Variants in ZFAND3 observed in about 807,000 individuals in gnomAD.
The protein encoded by ZFAND3 is zinc finger AN1-type containing 3.
A neutral mutation model predicts 29.6 loss-of-function variants in ZFAND3; 10 were observed. That is an observed-to-expected ratio of 0.34 (90% CI 0.21 to 0.57). ZFAND3 has a LOEUF of 0.57. Among genes scored for constraint, ZFAND3 ranks in the 20% least tolerant of loss-of-function variants. The probability of loss-of-function intolerance (pLI) is 0.86; values close to 1 mark genes in which losing one functional copy is unlikely to be tolerated. For synonymous variants in ZFAND3, 128 were observed against 112.6 expected (o/e 1.14, Z -0.87); for missense variants, 230 against 304.5 (o/e 0.76, Z 1.82).
At chr6:37,876,940 G>C (rs560541662) in intron 1 of ZFAND3, among the ~76,000 whole-genome samples, 15 of 152,150 alleles carry the variant, frequency 9.9e-5, no homozygotes, top group Admixed American at 3.9e-4. Flanking sequence ...TTTGTCCACT[G>C]TGGAGACTCT....
At position 38,061,686 on chromosome 6, in the gene ZFAND3, A is replaced by G. The variant is rs1374870007; in HGVS notation, c.206A>G (p.Asn69Ser). Residue 69 changes from asparagine (N) to serine (S), a missense_variant, in exon 3 of 6, where the codon AAC becomes AGC. By Grantham distance (46) the Asn-to-Ser change is conservative. Transcript: ENST00000287218. ...LFSEETTSDN[N>S]NTSITTPTLS... ...TCCGAAGAGACCACCAGTGACAACAACAATACCTCGATAACCACGCCAACT... is the reference window on the plus strand; with the variant it reads ...TCCGAAGAGACCACCAGTGACAACAGCAATACCTCGATAACCACGCCAACT... 2 of 1,614,214 alleles carry G rather than the reference A, an allele frequency of 1.2e-6. No individual in the cohort carries two copies. Among genetic ancestry groups the G allele is most frequent in the Non-Finnish European group, 1.7e-6 (2 of 1,180,036 alleles).
Position 37,866,134 on chromosome 6 carries a change from C to G in ZFAND3, c.71+46118C>G, listed in dbSNP as rs1356633692. Among the ~76,000 whole-genome samples the G allele has an allele frequency of 3.3e-5, 5 of 152,156 alleles. No individual in the cohort carries two copies. In the East Asian group the frequency reaches 9.6e-4, roughly 29 times the overall value. ...GCTGCCCCAGGCTCTGTAGTGGCAA[C>G]TCCTACCTTAACCTGGAGATAGTAG... On this transcript the variant is annotated intron_variant, in intron 1 of 5. Transcript: ENST00000287218.
chr6:38,123,362 G>A (rs569001947), intron 5 of ZFAND3, among the ~76,000 whole-genome samples: 2 of 152,340 alleles, frequency 1.3e-5, no homozygotes, highest in South Asian at 4.1e-4. Context: ...CCACGTGTCT[G>A]TGCCTTAATT....
intron 2 of ZFAND3, among the ~76,000 whole-genome samples, chr6:37,985,284 AAAAAT>A (rs1249689604): frequency 6.6e-6 from 1 of 152,098 alleles, no homozygotes; most frequent in Non-Finnish European, 1.5e-5. Context: ...GTAGCAAAAT[AAAAAT>A]AAAATAAAAC....
In ZFAND3 at chr6:37,929,986, C is replaced by G; in HGVS notation, c.99C>G (p.Ser33=). The change falls in exon 2 of 6, where the codon TCC becomes TCG. Residue 33 remains serine, a synonymous_variant. Transcript: ENST00000287218. The stretch of plus-strand genomic sequence containing the variant: ...CCAGCAAGACTATGAATCTCTGTTC[C>G]AAATGCTTTGCTGGTAAGTGCAGAA... The part of the protein sequence containing the change: ...WGSSKTMNLC[S]KCFADFQKKQ... The G allele has an allele frequency of 6.3e-7, 1 of 1,592,210 alleles. No homozygotes were observed. The highest frequency in any genetic ancestry group is 8.5e-7 in the Non-Finnish European group (1 of 1,170,782).
chr6:37,843,839 A>G (rs1260603454), intron 1 of ZFAND3, among the ~76,000 whole-genome samples: 1 of 152,148 alleles, frequency 6.6e-6, no homozygotes, highest in Non-Finnish European at 1.5e-5. Context: ...TCTAAAAAAA[A>G]AAAAAGCTAA....
intron 5 of ZFAND3, chr6:38,142,183 A>G (rs1454112285): frequency 6.4e-6 from 3 of 471,130 alleles, no homozygotes; most frequent in Non-Finnish European, 8.8e-6. Context: ...TCTCATCTTC[A>G]TACTCCCTGT....
intron 1 of ZFAND3, among the ~76,000 whole-genome samples, chr6:37,843,989 CTCACTG>C (rs1319225277): frequency 5.3e-5 from 8 of 152,024 alleles, no homozygotes; most frequent in Admixed American, 1.3e-4. Context: ...GTGATCTTGG[CTCACTG>C]TCACCTCCAC....
chr6:38,090,744 T>C (rs542735175), intron 4 of ZFAND3, among the ~76,000 whole-genome samples: 89 of 152,332 alleles, frequency 5.8e-4, no homozygotes, highest in African/African-American at 1.9e-3. Context: ...TTCTATTGTT[T>C]ATGTTGAAGA....
Position 38,152,494 on chromosome 6 carries a change from C to T in ZFAND3, c.*105C>T. On this transcript the variant is annotated 3_prime_UTR_variant, in exon 6 of 6. Coordinates refer to ENST00000287218, the MANE Select transcript of ZFAND3 (RefSeq NM_021943.3). The stretch of plus-strand genomic sequence containing the variant: ...CTTGTACTGGGCACGCGTCAGACTG[C>T]AGCCAGTCCGTTTCCTTTCTTTAGC... 4 of 1,383,370 alleles carry T rather than the reference C, an allele frequency of 2.9e-6. No individual in the cohort carries two copies. The highest frequency in any genetic ancestry group is 1.9e-5 in the South Asian group (1 of 52,498). 85.7% of individuals were successfully genotyped at this position (1,383,370 alleles called of 1,614,324 possible).
In ZFAND3 at chr6:37,993,133, C is replaced by G. The variant is rs372866401; in HGVS notation, c.112+63134C>G. 2.0e-5 allele frequency among the ~76,000 whole-genome samples: 3 copies of G among 152,004 alleles called. No homozygotes were observed. The South Asian group carries it at 6.2e-4, about 32-fold the overall frequency. On this transcript the variant is annotated intron_variant, in intron 2 of 5. Transcript: ENST00000287218. ...TACTGTGTAATCTGGTGAGTTCAAT[C>G]TCACGTTTGGATTAAAATTTTTATC...
intron 1 of ZFAND3, among the ~76,000 whole-genome samples, chr6:37,884,494 C>CAAAAA (rs58015486): frequency 2.8e-4 from 15 of 53,822 alleles, no homozygotes; most frequent in African/African-American, 3.2e-4. Context: ...AACTCTAGCT[C>CAAAAA]AAAAAAAAAA....
chr6:37,907,195 A>G lies in ZFAND3; in HGVS notation c.72-22764A>G, dbSNP rs3852216. 0.017 allele frequency among the ~76,000 whole-genome samples: 2,586 copies of G among 152,114 alleles called. 251 individuals carry two copies. In the East Asian group the frequency reaches 0.28, roughly 16 times the overall value. On this transcript the variant is annotated intron_variant, in intron 1 of 5. Transcript: ENST00000287218. ...AATATCATTGATTTTTTTTCAGATC[A>G]TAGAATATTCCTCTCCCAACTTTTT...
intron 2 of ZFAND3, among the ~76,000 whole-genome samples, chr6:38,021,739 G>C (rs1338924883): frequency 1.3e-5 from 2 of 152,214 alleles, no homozygotes; most frequent in Non-Finnish European, 2.9e-5. Context: ...GAGCAGGGCT[G>C]CTGTTATATA....
Position 37,819,835 on chromosome 6 carries a change from C to G in ZFAND3, c.-111C>G. On this transcript the variant is annotated 5_prime_UTR_variant, in exon 1 of 6. Coordinates refer to ENST00000287218, the MANE Select transcript of ZFAND3 (RefSeq NM_021943.3). The stretch of plus-strand genomic sequence containing the variant: ...CCGCCCGCGCGCCCGCTCCTTCCCC[C>G]TCCCCCCGCCCCGAGCCCCCCGACG... 6 of 649,004 alleles carry G rather than the reference C, an allele frequency of 9.2e-6. No individual in the cohort carries two copies. Among genetic ancestry groups the G allele is most frequent in the Non-Finnish European group, 1.2e-5 (6 of 495,788 alleles). 40.2% of individuals were successfully genotyped at this position (649,004 alleles called of 1,614,324 possible). A position where few individuals can be genotyped will look rare whatever the true frequency, so the allele number is the denominator to read the frequency against.
intron 1 of ZFAND3, among the ~76,000 whole-genome samples, chr6:37,888,000 T>C (rs1033644857): frequency 6.6e-6 from 1 of 152,322 alleles, no homozygotes; most frequent in Admixed American, 6.5e-5. Context: ...AAGGCATTCA[T>C]AGACTCTTCT....
At chr6:37,866,139 A>G (rs1284408696) in intron 1 of ZFAND3, among the ~76,000 whole-genome samples, 2 of 152,096 alleles carry the variant, frequency 1.3e-5, no homozygotes, top group Non-Finnish European at 2.9e-5. Flanking sequence ...GGCAACTCCT[A>G]CCTTAACCTG....
At chr6:37,903,000 G>T (rs913303643) in intron 1 of ZFAND3, among the ~76,000 whole-genome samples, 3 of 152,038 alleles carry the variant, frequency 2.0e-5, no homozygotes, top group Non-Finnish European at 4.4e-5. Flanking sequence ...CTGGAAAATT[G>T]GCAAAGCATG....
intron 4 of ZFAND3, chr6:38,088,506 AACTT>A (rs1277136624): frequency 5.9e-5 from 9 of 152,332 alleles, no homozygotes; most frequent in Admixed American, 3.3e-4. Context: ...AGTCAATAAT[AACTT>A]ACTTAAAGAG....
Sources: allele counts gnomAD v4.1 joint callset (sites outside exome capture counted in the v4.1 genomes callset), GRCh38; gene constraint gnomAD v4.1.1; transcripts MANE v1.5; gene names NCBI Gene and HGNC (gene_info 2026-07-23, HGNC 2026-07-21).